The following RUFY2 variants were observed in gnomAD, a reference collection of about 807,000 sequenced individuals.
RUFY2 encodes RUN and FYVE domain-containing protein 2.
Under a neutral mutation model 94.4 loss-of-function variants are expected in RUFY2, and 49 were observed. The observed-to-expected ratio is 0.52, with a 90% CI of 0.41 to 0.66. The LOEUF (loss-of-function observed/expected upper bound fraction) is 0.66. Ranked by LOEUF, RUFY2 falls within the 30% of genes least tolerant of loss-of-function variation. RUFY2 has a pLI of 0.00. For missense variants in RUFY2, 541 were observed against 692.8 expected (o/e 0.78, Z 2.46); for synonymous variants, 255 against 235.7 (o/e 1.08, Z -0.75).
downstream of RUFY2, chr10:68,342,576 A>G (rs1486893450): frequency 2.0e-5 from 3 of 152,544 alleles, no homozygotes; most frequent in Non-Finnish European, 4.4e-5. Context: ...TTATTTTTCA[A>G]ATGTCATTTA....
At position 68,383,895 on chromosome 10, in the gene RUFY2, T is replaced by G; in HGVS notation, c.842A>C (p.Glu281Ala). Reference sequence around the variant, plus strand: ...ATGCTTATATGTTTGAAGCTCAGTTTCCACATCTACTTTGGTAACCTAGGA... The same window carrying G: ...ATGCTTATATGTTTGAAGCTCAGTTGCCACATCTACTTTGGTAACCTAGGA... ...QHLEVTKVDV[E>A]TELQTYKHSR... The change falls in exon 10 of 18, where the codon GAA (glutamate) becomes GCA (alanine). Residue 281 changes from glutamate to alanine, a missense_variant. By Grantham distance (107) the Glu-to-Ala change is moderately radical. Coordinates refer to ENST00000602465, the MANE Select transcript of RUFY2 (RefSeq NM_001330103.2). 6.2e-7 allele frequency: 1 copy of G among 1,613,712 alleles called. No homozygotes were observed. The highest frequency in any genetic ancestry group is 8.5e-7 in the Non-Finnish European group (1 of 1,179,852).
chr10:68,377,933 A>G (rs1411763685), intron 12 of RUFY2: 14 of 985,392 alleles, frequency 1.4e-5, no homozygotes, highest in Non-Finnish European at 1.6e-5. Flanking sequence ...AGGAAGGGAG[A>G]GTAACATTTA....
chr10:68,364,166 T>C, intron 13 of RUFY2, 53 bp from the exon 14 acceptor site: 1 of 1,539,394 alleles, frequency 6.5e-7, no homozygotes. Flanking sequence ...ACACGACAGT[T>C]GTTATGTATT....
intron 12 of RUFY2, chr10:68,379,077 T>C: frequency 3.7e-6 from 1 of 267,288 alleles, no homozygotes; most frequent in Non-Finnish European, 7.0e-6. Flanking sequence ...TGACAATTAA[T>C]ATGCATGGAA....
rs1462189987 is a variant in RUFY2, at chr10:68,383,794, C to T, written c.939+4G>A. 6.3e-7 allele frequency: 1 copy of T among 1,579,872 alleles called. No individual in the cohort carries two copies. The highest frequency in any genetic ancestry group is 8.7e-7 in the Non-Finnish European group (1 of 1,149,116). ...TTGCTAATGTAATTTTTAATATAAC[C>T]TACCTGTCGTAACTGAGATTCATCT... On this transcript the variant is annotated splice_donor_region_variant and intron_variant, in intron 10 of 17. Transcript: ENST00000602465.
chr10:68,347,202 TTTA>T (rs2046340851), intron 16 of RUFY2, among the ~76,000 whole-genome samples: 1 of 151,836 alleles, frequency 6.6e-6, no homozygotes, highest in Non-Finnish European at 1.5e-5. Context: ...TTATAACATA[TTTA>T]ATAGCTGCTA....
At chr10:68,367,733 C>T (rs1175567582) in intron 13 of RUFY2, among the ~76,000 whole-genome samples, 6 of 146,368 alleles carry the variant, frequency 4.1e-5, no homozygotes, top group Middle Eastern at 3.2e-3. Flanking sequence ...TCCCTCCCTC[C>T]CTCCCTCTCT....
In RUFY2 at chr10:68,343,533, T is replaced by A. The variant is rs960494114; in HGVS notation, c.*2235A>T. On this transcript the variant is annotated 3_prime_UTR_variant, in exon 18 of 18. Transcript: ENST00000602465. ...TAAAGCAGGCTAATTTTCCAAATAT[T>A]TATTTAGTTCATAAAATTCACATTT... 5.9e-5 allele frequency: 9 copies of A among 152,736 alleles called. No homozygotes were observed. The highest frequency in any genetic ancestry group is 8.8e-5 in the Non-Finnish European group (6 of 68,000). 9.5% of individuals were successfully genotyped at this position (152,736 alleles called of 1,614,324 possible).
intron 15 of RUFY2, among the ~76,000 whole-genome samples, chr10:68,362,111 G>A (rs1028451978): frequency 9.2e-5 from 14 of 152,068 alleles, no homozygotes; most frequent in African/African-American, 2.9e-4. Context: ...GATGTCCTGA[G>A]CCCAGGAGTT....
Position 68,353,154 on chromosome 10 carries a change from G to A in RUFY2, c.1599+2199C>T, listed in dbSNP as rs185273960. On this transcript the variant is annotated intron_variant, in intron 16 of 17. Transcript: ENST00000602465. ...TTGAGACCAGCCTGGCCAACATGGC[G>A]AAACCATCTCTACTAAAACTATAAA... 7.9e-3 allele frequency among the ~76,000 whole-genome samples: 1,194 copies of A among 151,734 alleles called. 26 individuals carry two copies. Among genetic ancestry groups the A allele is most frequent in the African/African-American group, 0.028 (1,152 of 41,344 alleles).
At chr10:68,376,589 TAAAC>T (rs973568763) in intron 13 of RUFY2, among the ~76,000 whole-genome samples, 8 of 148,514 alleles carry the variant, frequency 5.4e-5, no homozygotes, top group African/African-American at 2.0e-4. Flanking sequence ...AGATTAATGT[TAAAC>T]AACAGAAGAA....
intron 16 of RUFY2, 56 bp downstream of exon 16, chr10:68,355,297 A>G: frequency 1.6e-6 from 2 of 1,230,922 alleles, no homozygotes; most frequent in South Asian, 2.4e-5. Flanking sequence ...ACAGGGCATT[A>G]CCTTCCATTG....
At chr10:68,354,672 G>A (rs1274110876) in intron 16 of RUFY2, among the ~76,000 whole-genome samples, 1 of 152,104 alleles carries the variant, frequency 6.6e-6, no homozygotes, top group Non-Finnish European at 1.5e-5. Context: ...AGAATCATCA[G>A]CCTATTTCAG....
At position 68,404,893 on chromosome 10, in the gene RUFY2, G is replaced by A. The variant is rs764354945; in HGVS notation, c.5-49C>T. 4.9e-6 allele frequency: 7 copies of A among 1,440,160 alleles called. No homozygotes were observed. In the African/African-American group the frequency reaches 8.7e-5, roughly 18 times the overall value. The allele number at this position is 1,440,160 out of a possible 1,614,324, so 89.2% of individuals were successfully genotyped here. On this transcript the variant is annotated intron_variant, in intron 1 of 17. Transcript: ENST00000602465. ...AACATCATTTGTAAGACATGACAATGAAAAATATACAAACCATTCCCTTCC... is the reference window on the plus strand; with the variant it reads ...AACATCATTTGTAAGACATGACAATAAAAAATATACAAACCATTCCCTTCC...
At chr10:68,390,800 T>G (rs1443473564) in intron 7 of RUFY2, among the ~76,000 whole-genome samples, 2 of 151,696 alleles carry the variant, frequency 1.3e-5, no homozygotes, top group African/African-American at 4.8e-5. Flanking sequence ...AAGGTCTCAC[T>G]GTGTCACCGA....
chr10:68,400,210 G>A (rs1357649699), intron 3 of RUFY2, among the ~76,000 whole-genome samples: 1 of 152,102 alleles, frequency 6.6e-6, no homozygotes, highest in Non-Finnish European at 1.5e-5. Context: ...CAGCTACTTG[G>A]GAGGCTGAGG....
At chr10:68,374,339 C>T (rs966447681) in intron 13 of RUFY2, among the ~76,000 whole-genome samples, 1 of 151,842 alleles carries the variant, frequency 6.6e-6, no homozygotes, top group African/African-American at 2.4e-5. Flanking sequence ...GAAAAATATA[C>T]ACTTTAATCA....
At chr10:68,367,697 TTTC>T (rs2047952140) in intron 13 of RUFY2, among the ~76,000 whole-genome samples, 1 of 149,338 alleles carries the variant, frequency 6.7e-6, no homozygotes, top group Non-Finnish European at 1.5e-5. Context: ...CTCCCTGCTT[TTTC>T]TTTCTTTCTC....
intron 15 of RUFY2, among the ~76,000 whole-genome samples, chr10:68,356,769 G>A (rs551732026): frequency 6.6e-6 from 1 of 151,488 alleles, no homozygotes; most frequent in South Asian, 2.1e-4. Context: ...GGCTGGTCTC[G>A]AACTCCTGAC....
Sources: gnomAD v4.1 joint callset for allele counts (sites outside exome capture counted in the v4.1 genomes callset) on GRCh38, gnomAD v4.1.1 for gene constraint, MANE v1.5 for transcripts, NCBI Gene and HGNC (gene_info 2026-07-23, HGNC 2026-07-21) for gene names.